The following MYOCD variants were observed in gnomAD, a reference collection of about 807,000 sequenced individuals.
MYOCD encodes the protein myocardin.
Under a neutral mutation model 96.1 loss-of-function variants are expected in MYOCD, and 32 were observed. The observed-to-expected ratio is 0.33, with a 90% confidence interval of 0.25 to 0.45. The LOEUF (loss-of-function observed/expected upper bound fraction) is 0.45, where lower values mean the gene tolerates loss of function less well. Among genes scored for constraint, MYOCD ranks in the 20% least tolerant of loss-of-function variants. MYOCD has a pLI of 1.00. For synonymous variants in MYOCD, 469 were observed against 469.0 expected (o/e 1.00, Z 0.00); for missense variants, 1,133 against 1,200.6 (o/e 0.94, Z 0.83).
Position 12,752,653 on chromosome 17 carries a change from C to G in MYOCD, c.1365C>G (p.Ser455Arg), listed in dbSNP as rs201880384. 1.2e-6 allele frequency: 2 copies of G among 1,613,690 alleles called. No homozygotes were observed. The highest frequency in any genetic ancestry group is 1.7e-6 in the Non-Finnish European group (2 of 1,179,852). Residue 455 changes from serine (S) to arginine (R), a missense_variant, in exon 10 of 14, where the codon AGC (serine) becomes AGG (arginine). Coordinates refer to ENST00000425538, the MANE Select transcript of MYOCD (RefSeq NM_001146312.3). ...GFYHFGSTSS[S>R]PPISPASSDL... ...ACCACTTTGGCAGCACCAGCTCCAG[C>G]CCCCCGATCTCCCCAGCCTCCTCTG...
At chr17:12,675,997 T>C (rs994322187) in intron 1 of MYOCD, among the ~76,000 whole-genome samples, 1 of 152,138 alleles carries the variant, frequency 6.6e-6, no homozygotes, top group Middle Eastern at 3.2e-3. Flanking sequence ...ACCATTTGCA[T>C]CTTTTAAAAT....
Position 12,763,574 on chromosome 17 carries a change from A to G in MYOCD, c.2891A>G (p.Asn964Ser), listed in dbSNP as rs780026025. 8.1e-6 allele frequency: 13 copies of G among 1,614,020 alleles called. No individual in the cohort carries two copies. Among genetic ancestry groups the G allele is most frequent in the African/African-American group, 6.7e-5 (5 of 74,902 alleles). ...ACCACCAGCAGCCCCAGCATCTTCAACATCGATTTCCTGGATGTCACTGAT... is the reference window on the plus strand; with the variant it reads ...ACCACCAGCAGCCCCAGCATCTTCAGCATCGATTTCCTGGATGTCACTGAT... Reference protein sequence around the residue: ...ALTTSSPSIFNIDFLDVTDLN... With the variant: ...ALTTSSPSIFSIDFLDVTDLN... The change falls in exon 14 of 14, where the codon AAC (asparagine) becomes AGC (serine). Residue 964 changes from asparagine (N) to serine (S), a missense_variant. Transcript: ENST00000425538.
At position 12,744,266 on chromosome 17, in the gene MYOCD, G is replaced by A. The variant is rs761796755; in HGVS notation, c.801G>A (p.Gln267=). 1 of 1,614,056 alleles carries A rather than the reference G, an allele frequency of 6.2e-7. No individual in the cohort carries two copies. Among genetic ancestry groups the A allele is most frequent in the African/African-American group, 1.3e-5 (1 of 74,918 alleles). ...KPKVKKLKYH[Q]YIPPDQKAEK... ...AGGTGAAGAAGCTTAAATATCACCA[G>A]TACATTCCCCCAGACCAGAAGGCAG... Residue 267 remains glutamine, a synonymous_variant, in exon 8 of 14, where the codon CAG becomes CAA. Transcript: ENST00000425538.
intron 1 of MYOCD, among the ~76,000 whole-genome samples, chr17:12,692,969 C>T (rs748153732): frequency 6.6e-6 from 1 of 152,148 alleles, no homozygotes; most frequent in African/African-American, 2.4e-5. Context: ...TCGCAGCTCC[C>T]GTGTTGTGCA....
intron 1 of MYOCD, among the ~76,000 whole-genome samples, chr17:12,703,481 C>T (rs2031166268): frequency 6.6e-6 from 1 of 151,878 alleles, no homozygotes; most frequent in South Asian, 2.1e-4. Flanking sequence ...AGGTTCTGTT[C>T]TTAAATGCAT....
intron 1 of MYOCD, among the ~76,000 whole-genome samples, chr17:12,697,765 G>A (rs914572931): frequency 6.6e-6 from 1 of 152,066 alleles, no homozygotes; most frequent in East Asian, 1.9e-4. Context: ...AAAAAAAATA[G>A]GAAGTATAAA....
At chr17:12,700,066 G>C (rs146673210) in intron 1 of MYOCD, among the ~76,000 whole-genome samples, 12,978 of 150,934 alleles carry the variant, frequency 0.086, 596 homozygotes, top group Middle Eastern at 0.15. Context: ...CCACCACCAG[G>C]CCTGGCTAAT....
Position 12,755,884 on chromosome 17 carries a change from TAAAATAAA to T in MYOCD, c.2059-521_2059-514del, listed in dbSNP as rs1289859946. Reference sequence around the variant, plus strand: ...GAGACTCCGTCTAAAAATAAATGAATAAAATAAAAAAATAAAGAACAATATAGGTTAAC... The same window carrying T: ...GAGACTCCGTCTAAAAATAAATGAATAAAATAAAGAACAATATAGGTTAAC... On this transcript the variant is annotated intron_variant, in intron 10 of 13. Coordinates refer to ENST00000425538, the MANE Select transcript of MYOCD (RefSeq NM_001146312.3). Among the ~76,000 whole-genome samples, 3 of 151,750 alleles carry T rather than the reference TAAAATAAA, an allele frequency of 2.0e-5. No homozygotes were observed. In the East Asian group the frequency reaches 5.8e-4, roughly 29 times the overall value.
chr17:12,709,168 G>A (rs2031400241), intron 2 of MYOCD, among the ~76,000 whole-genome samples: 1 of 152,160 alleles, frequency 6.6e-6, no homozygotes, highest in Non-Finnish European at 1.5e-5. Context: ...CTAATGAGGT[G>A]AATCATGTGT....
At chr17:12,725,924 G>A (rs1340937828) in intron 5 of MYOCD, among the ~76,000 whole-genome samples, 1 of 152,000 alleles carries the variant, frequency 6.6e-6, no homozygotes, top group East Asian at 1.9e-4. Flanking sequence ...AAGATGATGA[G>A]GTGGCTTTTC....
At chr17:12,673,630 T>C (rs376075152) in intron 1 of MYOCD, among the ~76,000 whole-genome samples, 2 of 152,328 alleles carry the variant, frequency 1.3e-5, no homozygotes, top group South Asian at 4.1e-4. Flanking sequence ...ATAACACTAC[T>C]GTGAAATCCT....
intron 3 of MYOCD, among the ~76,000 whole-genome samples, chr17:12,716,490 A>G (rs1207261705): frequency 2.0e-5 from 3 of 152,212 alleles, no homozygotes; most frequent in East Asian, 1.9e-4. Context: ...CAAGAAGGTA[A>G]TGAGACTGGG....
chr17:12,699,577 C>A (rs1307004232), intron 1 of MYOCD, among the ~76,000 whole-genome samples: 2 of 152,174 alleles, frequency 1.3e-5, no homozygotes, highest in African/African-American at 4.8e-5. Context: ...CACCTTATTT[C>A]ATATTTACCA....
chr17:12,693,978 A>G (rs1314769739), intron 1 of MYOCD, among the ~76,000 whole-genome samples: 2 of 152,208 alleles, frequency 1.3e-5, no homozygotes, highest in Non-Finnish European at 2.9e-5. Context: ...GGGATGATGT[A>G]GAAAAGACAC....
intron 2 of MYOCD, among the ~76,000 whole-genome samples, chr17:12,714,170 A>G (rs534524021): frequency 6.6e-6 from 1 of 152,052 alleles, no homozygotes; most frequent in Admixed American, 6.5e-5. Flanking sequence ...GTGACCTGTT[A>G]ACTCCCCAAG....
chr17:12,752,643 C>A lies in MYOCD; in HGVS notation c.1355C>A (p.Thr452Asn), dbSNP rs1567599531. 3 of 1,614,024 alleles carry A rather than the reference C, an allele frequency of 1.9e-6. No individual in the cohort carries two copies. Among genetic ancestry groups the A allele is most frequent in the Non-Finnish European group, 2.5e-6 (3 of 1,179,942 alleles). The change falls in exon 10 of 14, where the codon ACC becomes AAC. Residue 452 changes from threonine to asparagine, a missense_variant. Transcript: ENST00000425538. ...LSNGFYHFGS[T>N]SSSPPISPAS... ...AACGGCTTCTACCACTTTGGCAGCACCAGCTCCAGCCCCCCGATCTCCCCA... is the reference window on the plus strand; with the variant it reads ...AACGGCTTCTACCACTTTGGCAGCAACAGCTCCAGCCCCCCGATCTCCCCA...
chr17:12,729,082 T>A (rs2032090089), intron 5 of MYOCD, among the ~76,000 whole-genome samples: 1 of 152,218 alleles, frequency 6.6e-6, no homozygotes, highest in Non-Finnish European at 1.5e-5. Flanking sequence ...TGAAGGCAGC[T>A]AGATAATAAC....
intron 2 of MYOCD, among the ~76,000 whole-genome samples, chr17:12,714,919 G>T (rs2031591729): frequency 6.6e-6 from 1 of 152,144 alleles, no homozygotes; most frequent in Admixed American, 6.6e-5. Context: ...GTGGACCTCA[G>T]TTTCCCCATT....
chr17:12,692,059 A>G (rs894807635), intron 1 of MYOCD, among the ~76,000 whole-genome samples: 4 of 152,176 alleles, frequency 2.6e-5, no homozygotes, highest in African/African-American at 9.7e-5. Context: ...GAAAGAACTG[A>G]CCTGTAGTGA....
Sources: allele counts gnomAD v4.1 joint callset (sites outside exome capture counted in the v4.1 genomes callset), GRCh38; gene constraint gnomAD v4.1.1; transcripts MANE v1.5; gene names NCBI Gene and HGNC (gene_info 2026-07-23, HGNC 2026-07-21).